PLXNA1: variants seen among roughly 807,000 people sequenced by gnomAD.
PLXNA1 encodes the protein plexin-A1.
Under a neutral mutation model 191.7 loss-of-function variants are expected in PLXNA1, and 77 were observed. The ratio of observed to expected loss-of-function variants is 0.40; its 90% CI spans 0.33 to 0.49. PLXNA1 has a LOEUF of 0.49. Among genes scored for constraint, PLXNA1 ranks in the 20% least tolerant of loss-of-function variants. The probability of loss-of-function intolerance (pLI) is 0.63; values close to 1 mark genes in which losing one functional copy is unlikely to be tolerated. For missense variants in PLXNA1, 2,110 were observed against 2,660.2 expected (o/e 0.79, Z 4.55); for synonymous variants, 1,137 against 1,156.4 (o/e 0.98, Z 0.34).
rs770168988 is a variant in PLXNA1, at chr3:127,006,034, T to A, written c.1898-45T>A. The A allele has an allele frequency of 9.5e-6, 14 of 1,474,262 alleles. No homozygotes were observed. The Admixed American group carries it at 2.3e-4, about 25-fold the overall frequency. 91.3% of individuals were successfully genotyped at this position (1,474,262 alleles called of 1,614,324 possible). On this transcript the variant is annotated intron_variant, in intron 7 of 31. Transcript: ENST00000393409. Reference sequence around the variant, plus strand: ...TGTCTGGACTTGCCCTGTGTGGGAGTCCTGGGCAAGCAGTCCTGGTGACTC... The same window carrying A: ...TGTCTGGACTTGCCCTGTGTGGGAGACCTGGGCAAGCAGTCCTGGTGACTC...
chr3:127,022,968 T>C, intron 23 of PLXNA1, 150 bp downstream of exon 23: 3 of 699,390 alleles, frequency 4.3e-6, no homozygotes, highest in Non-Finnish European at 7.5e-6. Context: ...CCCCTGGGCA[T>C]GCAGCCGCTC....
chr3:127,015,374 T>TA, intron 15 of PLXNA1, 54 bp downstream of exon 15: 1 of 1,568,148 alleles, frequency 6.4e-7, no homozygotes, highest in Non-Finnish European at 8.6e-7. Context: ...CTGTTTCAGA[T>TA]GGTTGCATGC....
At position 127,020,348 on chromosome 3, in the gene PLXNA1, G is replaced by A. The variant is rs1300926881; in HGVS notation, c.4038+4G>A. The A allele has an allele frequency of 3.7e-6, 6 of 1,611,992 alleles. No individual in the cohort carries two copies. The highest frequency in any genetic ancestry group is 1.6e-4 in the Middle Eastern group (1 of 6,080). On this transcript the variant is annotated splice_donor_region_variant and intron_variant, in intron 21 of 31. Coordinates refer to ENST00000393409, the MANE Select transcript of PLXNA1 (RefSeq NM_032242.4). ...CCCTGTGCTCAAGGAGATGGAGGTA[G>A]GACCACTGGCTCCGGGGGGTCACAG...
intron 26 of PLXNA1, 82 bp from the exon 27 acceptor site, chr3:127,029,358 G>T: frequency 7.5e-7 from 1 of 1,330,230 alleles, no homozygotes; most frequent in Non-Finnish European, 1.1e-6. Flanking sequence ...GGGTGTCACC[G>T]GGGTCCCCAG....
intron 27 of PLXNA1, 129 bp downstream of exon 27, chr3:127,029,665 C>A: frequency 2.7e-6 from 3 of 1,119,210 alleles, no homozygotes; most frequent in Non-Finnish European, 4.0e-6. Flanking sequence ...CTGTCACTCG[C>A]ACTCTTGGCC....
intron 7 of PLXNA1, among the ~76,000 whole-genome samples, 157 bp downstream of exon 7, chr3:127,005,400 G>C (rs929447994): frequency 6.6e-6 from 1 of 152,200 alleles, no homozygotes; most frequent in Non-Finnish European, 1.5e-5. Flanking sequence ...CTGCTGGTCT[G>C]GGAGTGGAGA....
chr3:127,020,981 A>AT (rs1278515769), intron 21 of PLXNA1, among the ~76,000 whole-genome samples: 1 of 152,204 alleles, frequency 6.6e-6, no homozygotes, highest in Non-Finnish European at 1.5e-5. Flanking sequence ...AAAGGCCCCC[A>AT]GCGGCAGGCA....
chr3:127,003,401 C>T lies in PLXNA1; in HGVS notation c.1449C>T (p.Gly483=), dbSNP rs2079050274. 1.9e-6 allele frequency: 3 copies of T among 1,612,018 alleles called. No homozygotes were observed. The highest frequency in any genetic ancestry group is 1.7e-4 in the Middle Eastern group (1 of 6,056). The change falls in exon 4 of 32, where the codon GGC becomes GGT. Residue 483 remains glycine (G), a synonymous_variant. Transcript: ENST00000393409. ...ACGAGAGCGTCGTGGCCCAGGAGGGCAGCCCCATCCTGCGAGACCTCGTCC... is the reference window on the plus strand; with the variant it reads ...ACGAGAGCGTCGTGGCCCAGGAGGGTAGCCCCATCCTGCGAGACCTCGTCC... ...LAYESVVAQE[G]SPILRDLVLS... is the part of the protein sequence containing the mutation.
chr3:127,032,227 G>T (rs1436247208), intron 29 of PLXNA1, among the ~76,000 whole-genome samples, 160 bp from the exon 30 acceptor site: 7 of 152,180 alleles, frequency 4.6e-5, no homozygotes, highest in African/African-American at 1.7e-4. Flanking sequence ...GCAGGGGACG[G>T]CCTTCACTTA....
intron 31 of PLXNA1, 94 bp downstream of exon 31, chr3:127,032,930 A>C: frequency 7.3e-7 from 1 of 1,363,806 alleles, no homozygotes; most frequent in Admixed American, 2.0e-5. Context: ...CTCCTCCCTG[A>C]ATCTCTGGGC....
chr3:127,032,068 G>A, intron 29 of PLXNA1: 1 of 368,046 alleles, frequency 2.7e-6, no homozygotes, highest in South Asian at 2.5e-5. Context: ...CCAGCATGCA[G>A]GCCTAGGAGG....
chr3:127,030,266 C>G lies in PLXNA1; in HGVS notation c.5085C>G (p.Asp1695Glu). The G allele has an allele frequency of 2.5e-6, 4 of 1,613,738 alleles. No individual in the cohort carries two copies. Among genetic ancestry groups the G allele is most frequent in the Non-Finnish European group, 1.7e-6 (2 of 1,179,968 alleles). ...AGGGCACACTGCAGAAGTTTGTGGA[C>G]GACCTGTTTGAGACCATCTTCAGCA... is the stretch of plus-strand genomic sequence containing the variant. The part of the protein sequence containing the change: ...ATKGTLQKFV[D>E]DLFETIFSTA... Residue 1695 changes from aspartate to glutamate, a missense_variant, in exon 29 of 32, where the codon GAC becomes GAG. Asp to Glu is a conservative substitution (Grantham distance 45, BLOSUM62 2). Around this residue, in one of 4 missense-constraint regions of PLXNA1, gnomAD observed 559 missense variants for 911.5 expected, o/e 0.61. Coordinates refer to ENST00000393409, the MANE Select transcript of PLXNA1 (RefSeq NM_032242.4).
At chr3:127,010,413 A>G (rs564682151) in intron 9 of PLXNA1, among the ~76,000 whole-genome samples, 1 of 152,086 alleles carries the variant, frequency 6.6e-6, no homozygotes, top group Non-Finnish European at 1.5e-5. Context: ...ATCCTGACTC[A>G]GTGGGCCGCA....
rs369628501 is a variant in PLXNA1 at position 127,015,821 on chromosome 3, C to T, written c.3014+501C>T. Among the ~76,000 whole-genome samples the T allele has an allele frequency of 3.5e-4, 53 of 151,926 alleles. 1 individual carries two copies. The East Asian group carries it at 3.5e-3, about 10-fold the overall frequency. ...GGCAGTGGTGGAAGAACTGAGGGTC[C>T]GGACCCAGGTGTGGGCTATGCCTGG... On this transcript the variant is annotated intron_variant, in intron 15 of 31. Coordinates refer to ENST00000393409, the MANE Select transcript of PLXNA1 (RefSeq NM_032242.4).
At chr3:127,027,252 A>G (rs906046060) in intron 23 of PLXNA1, 4 of 233,546 alleles carry the variant, frequency 1.7e-5, no homozygotes, top group Non-Finnish European at 2.5e-5. Flanking sequence ...TTCTCATGCT[A>G]CAGCGCGGGG....
At chr3:127,014,147 G>A in intron 11 of PLXNA1, 31 bp downstream of exon 11, 1 of 1,612,948 alleles carries the variant, frequency 6.2e-7, no homozygotes, top group Non-Finnish European at 8.5e-7. Flanking sequence ...GGTGGGCAGT[G>A]GGCGGGCCCG....
chr3:127,019,538 C>G (rs2079142549), intron 20 of PLXNA1, among the ~76,000 whole-genome samples: 2 of 152,180 alleles, frequency 1.3e-5, no homozygotes, highest in Non-Finnish European at 2.9e-5. Context: ...CAGCCAGGTG[C>G]AGATAACTAG....
chr3:127,002,792 C>A (rs1021498575), intron 3 of PLXNA1, among the ~76,000 whole-genome samples: 4 of 152,208 alleles, frequency 2.6e-5, no homozygotes, highest in Non-Finnish European at 5.9e-5. Context: ...ATCTGGAATA[C>A]ATTTCCATGC....
chr3:127,003,515 C>G, intron 4 of PLXNA1, 45 bp downstream of exon 4: 1 of 1,544,812 alleles, frequency 6.5e-7, no homozygotes, highest in African/African-American at 1.4e-5. Context: ...GGTGGGGGCC[C>G]TCCTACCAGG....
Sources: allele counts gnomAD v4.1 joint callset (sites outside exome capture counted in the v4.1 genomes callset), GRCh38; gene constraint gnomAD v4.1.1; regional missense constraint gnomAD v4.1.1; transcripts MANE v1.5; gene names NCBI Gene and HGNC (gene_info 2026-07-23, HGNC 2026-07-21).